CCND3: variants seen among roughly 807,000 people sequenced by gnomAD.
CCND3 encodes the protein G1/S-specific cyclin-D3.
Under a neutral mutation model 28.7 loss-of-function variants are expected in CCND3, and 9 were observed. The observed-to-expected ratio is 0.31, with a 90% CI of 0.19 to 0.55. The LOEUF (loss-of-function observed/expected upper bound fraction) is 0.55. CCND3 is among the 20% of genes least tolerant of loss of function. The probability of loss-of-function intolerance (pLI) is 0.93; values close to 1 mark genes in which losing one functional copy is unlikely to be tolerated. For missense variants in CCND3, 315 were observed against 385.8 expected (o/e 0.82, Z 1.54); for synonymous variants, 164 against 163.9 (o/e 1.00, Z 0.00).
chr6:41,980,728 T>G (rs1026979130), intron 1 of CCND3, among the ~76,000 whole-genome samples: 5 of 152,188 alleles, frequency 3.3e-5, no homozygotes, highest in Non-Finnish European at 7.3e-5. Flanking sequence ...TGGTTCAACA[T>G]TTGAAAATCA....
At chr6:42,023,499 A>C (rs773895794) in intron 1 of CCND3, among the ~76,000 whole-genome samples, 2 of 152,222 alleles carry the variant, frequency 1.3e-5, no homozygotes, top group Non-Finnish European at 2.9e-5. Flanking sequence ...AAGTCTTGTG[A>C]CCAGTGGCTC....
intron 1 of CCND3, among the ~76,000 whole-genome samples, chr6:42,017,348 G>A (rs1414298278): frequency 6.6e-6 from 1 of 152,216 alleles, no homozygotes; most frequent in Non-Finnish European, 1.5e-5. Context: ...ATCTCTAAAG[G>A]AAAAGCAGAA....
chr6:41,974,144 T>C (rs113674315), intron 1 of CCND3, among the ~76,000 whole-genome samples: 78 of 152,238 alleles, frequency 5.1e-4, no homozygotes, highest in Admixed American at 1.1e-3. Flanking sequence ...GACTGTGCCA[T>C]TGCACTCTAG....
chr6:42,000,665 T>C (rs1223530660), intron 1 of CCND3, among the ~76,000 whole-genome samples: 1 of 145,328 alleles, frequency 6.9e-6, no homozygotes, highest in East Asian at 2.1e-4. Flanking sequence ...CCTCCCAGGT[T>C]CAAGCGATTC....
intron 1 of CCND3, among the ~76,000 whole-genome samples, chr6:41,965,310 C>T (rs940411359): frequency 1.1e-4 from 17 of 152,098 alleles, no homozygotes; most frequent in East Asian, 7.7e-4. Flanking sequence ...CCTCGTGATC[C>T]GCCTGCCCCG....
Position 41,941,713 on chromosome 6 carries a change from C to T in CCND3, c.-64G>A. 2 of 1,178,590 alleles carry T rather than the reference C, an allele frequency of 1.7e-6. No individual in the cohort carries two copies. Among genetic ancestry groups the T allele is most frequent in the South Asian group, 2.5e-5 (1 of 39,276 alleles). 73.0% of individuals were successfully genotyped at this position (1,178,590 alleles called of 1,614,324 possible). ...GCGAGTCCCAAGGCAGGCGACGGGC[C>T]GGAGAGCGCGGGGCGCGGGTCTGGC... On this transcript the variant is annotated 5_prime_UTR_variant, in exon 1 of 5. Transcript: ENST00000372991. The surrounding 1 kb of genome is among the most constrained non-coding windows in gnomAD (Gnocchi z 6.1).
intron 1 of CCND3, among the ~76,000 whole-genome samples, chr6:42,010,121 T>C (rs1459195262): frequency 2.6e-5 from 4 of 152,030 alleles, no homozygotes; most frequent in African/African-American, 7.2e-5. Flanking sequence ...CTGAAGGGGA[T>C]GGGTTATCAA....
Position 41,937,305 on chromosome 6 carries a change from G to C in CCND3, c.504C>G (p.Leu168=), listed in dbSNP as rs761379615. The stretch of plus-strand genomic sequence containing the variant: ...AGGCCTGTCGGTCACGGGGCAGAGA[G>C]AGCCGGTGCAGAATGAAGGCCAGGA... The part of the protein sequence containing the change: ...HDFLAFILHR[L]SLPRDRQALV... Residue 168 remains leucine (L), a synonymous_variant, in exon 3 of 5, where the codon CTC becomes CTG. Coordinates refer to ENST00000372991, the MANE Select transcript of CCND3 (RefSeq NM_001760.5). 2 of 1,614,092 alleles carry C rather than the reference G, an allele frequency of 1.2e-6. No homozygotes were observed. Among genetic ancestry groups the C allele is most frequent in the Non-Finnish European group, 1.7e-6 (2 of 1,180,052 alleles).
intron 1 of CCND3, among the ~76,000 whole-genome samples, chr6:41,969,717 C>T (rs922107094): frequency 6.6e-6 from 1 of 151,630 alleles, no homozygotes; most frequent in Non-Finnish European, 1.5e-5. Context: ...GCCTAGTGAC[C>T]GAGTGAGACT....
intron 1 of CCND3, among the ~76,000 whole-genome samples, chr6:42,001,626 G>A (rs1316967116): frequency 6.6e-6 from 1 of 152,054 alleles, no homozygotes; most frequent in Non-Finnish European, 1.5e-5. Context: ...ATCTGTAATC[G>A]CAGCTACTGG....
rs752158047 is a variant in CCND3 at position 41,936,972 on chromosome 6, TTC to T, written c.574+261_574+262del. On this transcript the variant is annotated intron_variant, in intron 3 of 4. Coordinates refer to ENST00000372991, the MANE Select transcript of CCND3 (RefSeq NM_001760.5). The surrounding 1 kb of genome is among the most constrained non-coding windows in gnomAD (Gnocchi z 4.4). ...CACAACTAGGGCCAAGAGACTGGGGTTCTGTTCCCAACCTGTTCACTGTGAGA... is the reference window on the plus strand; with the variant it reads ...CACAACTAGGGCCAAGAGACTGGGGTTGTTCCCAACCTGTTCACTGTGAGA... 6 of 594,582 alleles carry T rather than the reference TTC, an allele frequency of 1.0e-5. No individual in the cohort carries two copies. Among genetic ancestry groups the T allele is most frequent in the Non-Finnish European group, 1.8e-5 (6 of 336,346 alleles). 36.8% of individuals were successfully genotyped at this position (594,582 alleles called of 1,614,324 possible). A position where few individuals can be genotyped will look rare whatever the true frequency, so the allele number is the denominator to read the frequency against.
At chr6:41,944,232 G>A (rs1422508903), upstream of CCND3, among the ~76,000 whole-genome samples, 1 of 152,108 alleles carries the variant, frequency 6.6e-6, no homozygotes, top group East Asian at 1.9e-4. Context: ...AGCTACTAGG[G>A]AGACCGAAGC....
At chr6:42,036,086 G>A (rs933773021) in intron 1 of CCND3, among the ~76,000 whole-genome samples, 6 of 149,722 alleles carry the variant, frequency 4.0e-5, no homozygotes, top group Admixed American at 2.7e-4. Flanking sequence ...TCTGCCTCTC[G>A]GGTTCAAGCG....
chr6:41,940,573 G>C lies in CCND3; in HGVS notation c.211C>G (p.Gln71Glu), dbSNP rs761581058. 4 of 1,611,258 alleles carry C rather than the reference G, an allele frequency of 2.5e-6. No individual in the cohort carries two copies. Among genetic ancestry groups the C allele is most frequent in the Non-Finnish European group, 3.4e-6 (4 of 1,178,618 alleles). ...AYWMLEVCEEQRCEEEVFPLA... is the reference protein window; with the variant it reads ...AYWMLEVCEEERCEEEVFPLA... The stretch of plus-strand genomic sequence containing the variant: ...GGGAAGACTTCCTCCTCACAGCGCT[G>C]CTCCTCACATACCTGGGGGAGGGCG... Residue 71 changes from glutamine to glutamate, a missense_variant, in exon 2 of 5, where the codon CAG becomes GAG. Gln to Glu is a conservative substitution (Grantham distance 29). Transcript: ENST00000372991.
At chr6:42,049,220 A>G (rs1375790761), upstream of CCND3, among the ~76,000 whole-genome samples, 1 of 152,028 alleles carries the variant, frequency 6.6e-6, no homozygotes, top group Non-Finnish European at 1.5e-5. Flanking sequence ...TATTTTTAGT[A>G]GACACGGGGT....
At chr6:41,957,530 T>G (rs2127402475) in intron 1 of CCND3, among the ~76,000 whole-genome samples, 2 of 152,282 alleles carry the variant, frequency 1.3e-5, no homozygotes, top group South Asian at 4.2e-4. Context: ...ATCACAGAAA[T>G]TTAGGGCCAG....
At chr6:41,980,825 GAACATCCATTCATGAT>G (rs1762325021) in intron 1 of CCND3, among the ~76,000 whole-genome samples, 1 of 152,064 alleles carries the variant, frequency 6.6e-6, no homozygotes, top group East Asian at 1.9e-4. Context: ...TGATGAAATC[GAACATCCATTCATGAT>G]AAAAACTCAC....
chr6:41,957,799 GT>G (rs1223935192), intron 1 of CCND3, among the ~76,000 whole-genome samples: 1 of 152,052 alleles, frequency 6.6e-6, no homozygotes, highest in African/African-American at 2.4e-5. Flanking sequence ...GCCATTCACA[GT>G]TCCAGATTCC....
At chr6:42,001,305 G>C (rs957746920) in intron 1 of CCND3, among the ~76,000 whole-genome samples, 1 of 149,526 alleles carries the variant, frequency 6.7e-6, no homozygotes, top group South Asian at 2.1e-4. Flanking sequence ...CAAAAGACTT[G>C]CTCAAGGATA....
Sources: gnomAD v4.1 joint callset for allele counts (sites outside exome capture counted in the v4.1 genomes callset) on GRCh38, gnomAD v4.1.1 for gene constraint, Gnocchi (gnomAD v3.1) non-coding constraint, MANE v1.5 for transcripts, NCBI Gene and HGNC (gene_info 2026-07-23, HGNC 2026-07-21) for gene names.